Variants in MAMDC2 observed in about 807,000 individuals in gnomAD.
MAMDC2 encodes the protein MAM domain containing 2, also known as MAM domain-containing protein 2.
A neutral mutation model predicts 89.8 loss-of-function variants in MAMDC2; 57 were observed. The ratio of observed to expected loss-of-function variants is 0.63; its 90% confidence interval spans 0.51 to 0.79. MAMDC2 has a LOEUF of 0.79. Among genes scored for constraint, MAMDC2 ranks in the 30% least tolerant of loss-of-function variants. MAMDC2 has a pLI of 0.00. For synonymous variants in MAMDC2, 313 were observed against 293.4 expected (o/e 1.07, Z -0.68); for missense variants, 800 against 820.6 (o/e 0.97, Z 0.31).
chr9:70,138,224 A>G (rs2031076759), intron 7 of MAMDC2, among the ~76,000 whole-genome samples: 1 of 152,226 alleles, frequency 6.6e-6, no homozygotes, highest in South Asian at 2.1e-4. Context: ...ATGTTGCTGC[A>G]AAAGACATAA....
At chr9:70,196,317 C>T (rs1417097875) in intron 11 of MAMDC2, among the ~76,000 whole-genome samples, 1 of 152,078 alleles carries the variant, frequency 6.6e-6, no homozygotes, top group Non-Finnish European at 1.5e-5. Flanking sequence ...GAAATTTATG[C>T]TAGTTTTGCT....
intron 3 of MAMDC2, chr9:70,109,402 C>G (rs1462857233): frequency 3.4e-6 from 1 of 294,168 alleles, no homozygotes; most frequent in African/African-American, 2.2e-5. Context: ...AGTGCTACCA[C>G]AAGCACTGAA....
At chr9:70,064,911 A>AC (rs1170249154) in intron 2 of MAMDC2, among the ~76,000 whole-genome samples, 1 of 152,250 alleles carries the variant, frequency 6.6e-6, no homozygotes, top group East Asian at 1.9e-4. Flanking sequence ...CTCGTGCTAC[A>AC]AAACAAAACA....
intron 12 of MAMDC2, among the ~76,000 whole-genome samples, chr9:70,222,454 A>C (rs1413071187): frequency 6.6e-6 from 1 of 152,144 alleles, no homozygotes; most frequent in East Asian, 1.9e-4. Flanking sequence ...AGAGTGTGAT[A>C]GTACTGCTGC....
At chr9:70,214,778 G>T (rs2033414805) in intron 11 of MAMDC2, among the ~76,000 whole-genome samples, 1 of 152,188 alleles carries the variant, frequency 6.6e-6, no homozygotes, top group Non-Finnish European at 1.5e-5. Flanking sequence ...GGTAGAGCCA[G>T]TGGGAATTCC....
chr9:70,210,978 A>G (rs1305091016), intron 11 of MAMDC2, among the ~76,000 whole-genome samples: 1 of 152,190 alleles, frequency 6.6e-6, no homozygotes, highest in Non-Finnish European at 1.5e-5. Flanking sequence ...TCTGGCTTGT[A>G]GAGTTTCTGC....
chr9:70,141,239 A>T (rs1163850776), intron 8 of MAMDC2, among the ~76,000 whole-genome samples: 2 of 152,220 alleles, frequency 1.3e-5, no homozygotes, highest in East Asian at 1.9e-4. Flanking sequence ...CCTTGGGCTG[A>T]TTAACTGGAA....
Position 70,059,133 on chromosome 9 carries a change from T to C in MAMDC2, c.148+14436T>C, listed in dbSNP as rs151010230. Among the ~76,000 whole-genome samples, 414 of 152,284 alleles carry C rather than the reference T, an allele frequency of 2.7e-3. 5 individuals are homozygous for C. Among genetic ancestry groups the C allele is most frequent in the African/African-American group, 8.6e-3 (359 of 41,540 alleles). On this transcript the variant is annotated intron_variant, in intron 2 of 13. Transcript: ENST00000377182. ...CCTGCTTGGGTTTTGCAAAAAGGCATATGAACTCAAACGGGTAGCGAGGTG... is the reference window on the plus strand; with the variant it reads ...CCTGCTTGGGTTTTGCAAAAAGGCACATGAACTCAAACGGGTAGCGAGGTG...
In MAMDC2 at chr9:70,147,358, ACT is replaced by A. The variant is rs1224388178; in HGVS notation, c.1404+3542_1404+3543del. Among the ~76,000 whole-genome samples, 9 of 149,752 alleles carry A rather than the reference ACT, an allele frequency of 6.0e-5. 1 individual carries two copies. Among genetic ancestry groups the A allele is most frequent in the Non-Finnish European group, 5.9e-5 (4 of 67,370 alleles). ...TGATTCACTGATGGCTTCCTCTATA[ACT>A]CTATATTTCCACCTCTGTTTCTTGA... On this transcript the variant is annotated intron_variant, in intron 9 of 13. Transcript: ENST00000377182.
intron 12 of MAMDC2, among the ~76,000 whole-genome samples, chr9:70,221,320 A>G (rs1451095565): frequency 3.0e-5 from 4 of 131,926 alleles, no homozygotes; most frequent in Admixed American, 2.4e-4. Context: ...ACATATTGAG[A>G]CCCTGTCTCT....
intron 11 of MAMDC2, among the ~76,000 whole-genome samples, chr9:70,182,067 G>A (rs1046882656): frequency 7.2e-5 from 11 of 152,130 alleles, no homozygotes; most frequent in South Asian, 2.1e-4. Flanking sequence ...AGCATGAAGC[G>A]GTGTTGAATT....
intron 5 of MAMDC2, among the ~76,000 whole-genome samples, chr9:70,124,132 G>A (rs1051469772): frequency 2.0e-5 from 3 of 152,206 alleles, no homozygotes; most frequent in Non-Finnish European, 4.4e-5. Context: ...CTCTCAGGGA[G>A]GCTGGAGAAC....
At chr9:70,094,273 AT>A (rs1297374965) in intron 2 of MAMDC2, among the ~76,000 whole-genome samples, 1 of 152,230 alleles carries the variant, frequency 6.6e-6, no homozygotes, top group African/African-American at 2.4e-5. Flanking sequence ...CCATTTCTCC[AT>A]GTATTGCTGA....
chr9:70,098,917 G>A (rs1035483055), intron 2 of MAMDC2, among the ~76,000 whole-genome samples: 25 of 152,228 alleles, frequency 1.6e-4, no homozygotes, highest in Admixed American at 1.6e-3. Context: ...AGTACCCAGA[G>A]TACAACAAAT....
chr9:70,179,519 G>A (rs1469743999), intron 11 of MAMDC2, among the ~76,000 whole-genome samples: 6 of 139,966 alleles, frequency 4.3e-5, no homozygotes, highest in Non-Finnish European at 6.1e-5. Context: ...GCAAGACTCC[G>A]TCTCAAAAAA....
chr9:70,198,826 AAT>A (rs2033032648), intron 11 of MAMDC2, among the ~76,000 whole-genome samples: 1 of 152,130 alleles, frequency 6.6e-6, no homozygotes, highest in African/African-American at 2.4e-5. Context: ...AACACAATAA[AAT>A]ATTAAATAAT....
At chr9:70,087,772 C>T (rs150612664) in intron 2 of MAMDC2, 28 of 152,322 alleles carry the variant, frequency 1.8e-4, no homozygotes, top group African/African-American at 5.5e-4. Context: ...GCACAGACAA[C>T]ATGCATCTAC....
intron 5 of MAMDC2, among the ~76,000 whole-genome samples, chr9:70,123,347 T>A (rs767433410): frequency 6.6e-6 from 1 of 151,904 alleles, no homozygotes; most frequent in Non-Finnish European, 1.5e-5. Flanking sequence ...CCACCAGGAG[T>A]GCTTTAGAGG....
At chr9:70,200,660 G>C (rs912852707) in intron 11 of MAMDC2, among the ~76,000 whole-genome samples, 1 of 137,684 alleles carries the variant, frequency 7.3e-6, no homozygotes, top group Non-Finnish European at 1.6e-5. Context: ...CCATTTTCAC[G>C]ATATTGATTC....
Sources: gnomAD v4.1 joint callset for allele counts (sites outside exome capture counted in the v4.1 genomes callset) on GRCh38, gnomAD v4.1.1 for gene constraint, MANE v1.5 for transcripts, NCBI Gene and HGNC (gene_info 2026-07-23, HGNC 2026-07-21) for gene names.